The following PRRC2B variants were observed in gnomAD, a reference collection of about 807,000 sequenced individuals.
The protein encoded by PRRC2B is protein PRRC2B.
PRRC2B carries 68 observed loss-of-function variants against 242.3 expected under a neutral mutation model. The observed-to-expected ratio is 0.28, with a 90% confidence interval of 0.23 to 0.34. The LOEUF is 0.34. Among genes scored for constraint, PRRC2B ranks in the 10% least tolerant of loss-of-function variants. The pLI is 1.00. For synonymous variants in PRRC2B, 1,228 were observed against 1,173.6 expected, an observed-to-expected ratio of 1.05 and a Z score of -0.95; for missense variants, 2,835 against 2,954.8, an observed-to-expected ratio of 0.96 and a Z score of 0.94.
At chr9:131,454,959 T>G in intron 9 of PRRC2B, 117 bp from the exon 10 acceptor site, 2 of 727,434 alleles carry the variant, frequency 2.7e-6, no homozygotes, top group Non-Finnish European at 4.8e-6. Context: ...CCTGTCCTCA[T>G]GATCCGCCCA....
At chr9:131,405,876 A>G (rs1452303090) in intron 1 of PRRC2B, among the ~76,000 whole-genome samples, 1 of 152,180 alleles carries the variant, frequency 6.6e-6, no homozygotes, top group East Asian at 1.9e-4. Flanking sequence ...CTTCAAGTCC[A>G]GGTTCTACCA....
chr9:131,474,689 C>T lies in PRRC2B; in HGVS notation c.2560C>T (p.Pro854Ser). 1 of 1,613,018 alleles carries T rather than the reference C, an allele frequency of 6.2e-7. No homozygotes were observed. Among genetic ancestry groups the T allele is most frequent in the South Asian group, 1.1e-5 (1 of 90,936 alleles). ...TCACACCCAAAACCTCAGGTGTTCC[C>T]CATTGGAGCCTGACTTTGTCCCAGA... ...GGHTQNLRCS[P>S]LEPDFVPDEK... Residue 854 changes from proline to serine, a missense_variant, in exon 16 of 32, where the codon CCA becomes TCA. Coordinates refer to ENST00000683519, the MANE Select transcript of PRRC2B (RefSeq NM_013318.4).
chr9:131,467,696 C>A lies in PRRC2B; in HGVS notation c.1854C>A (p.Phe618Leu). The part of the protein sequence containing the change: ...AREAGSPAQE[F>L]KYQKSLPPRF... ...AGGCTGGGTCCCCTGCACAGGAGTTCAAGTATCAGAAGTCCCTTCCTCCCC... is the reference window on the plus strand; with the variant it reads ...AGGCTGGGTCCCCTGCACAGGAGTTAAAGTATCAGAAGTCCCTTCCTCCCC... Residue 618 changes from phenylalanine (F) to leucine (L), a missense_variant, in exon 13 of 32, where the codon TTC (phenylalanine) becomes TTA (leucine). Physicochemically the swap from Phe to Leu is conservative, Grantham distance 22 (BLOSUM62 0). Transcript: ENST00000683519. The A allele has an allele frequency of 6.2e-7, 1 of 1,613,962 alleles. No homozygotes were observed. The highest frequency in any genetic ancestry group is 1.6e-4 in the Middle Eastern group (1 of 6,062).
intron 11 of PRRC2B, among the ~76,000 whole-genome samples, chr9:131,459,890 G>A (rs2966362): frequency 0.97 from 145,643 of 150,176 alleles, 70,771 homozygotes; most frequent in East Asian, 1. Flanking sequence ...GGCTCACACA[G>A]TTTGCAAGGC....
At chr9:131,459,422 G>A (rs2131412554) in intron 11 of PRRC2B, 66 bp downstream of exon 11, 1 of 1,335,972 alleles carries the variant, frequency 7.5e-7, no homozygotes, top group Non-Finnish European at 1.0e-6. Flanking sequence ...GGGTTTCTGA[G>A]AAGTCCTAAG....
In PRRC2B at chr9:131,385,993, A is replaced by T. The variant is rs1216423856; in HGVS notation, c.-56+12262A>T. On this transcript the variant is annotated intron_variant, in intron 1 of 1. Coordinates refer to the PRRC2B transcript ENST00000682525. ...CAGGCGTGAACCACGGCGCCCGGCC[A>T]TCATTCTTATTGTTGTCATCTCAGA... 2.0e-5 allele frequency among the ~76,000 whole-genome samples: 3 copies of T among 150,600 alleles called. No homozygotes were observed. In the Admixed American group the frequency reaches 2.1e-4, roughly 10 times the overall value.
intron 15 of PRRC2B, among the ~76,000 whole-genome samples, chr9:131,474,198 C>G (rs552293312): frequency 1.3e-4 from 20 of 152,310 alleles, no homozygotes; most frequent in African/African-American, 4.8e-4. Context: ...CGACAGTCTT[C>G]ACTCTCAAGG....
At chr9:131,450,308 C>T (rs546428635) in intron 9 of PRRC2B, among the ~76,000 whole-genome samples, 1 of 151,162 alleles carries the variant, frequency 6.6e-6, no homozygotes, top group South Asian at 2.1e-4. Flanking sequence ...TGCTCTATTG[C>T]CCAGGCTGGA....
chr9:131,433,061 C>G (rs2966347), intron 3 of PRRC2B, among the ~76,000 whole-genome samples: 147,541 of 152,192 alleles, frequency 0.97, 71,674 homozygotes, highest in East Asian at 1. Flanking sequence ...CCAGTGACCA[C>G]TTTCCCCCTG....
At chr9:131,419,234 T>C (rs920296740) in intron 1 of PRRC2B, among the ~76,000 whole-genome samples, 3 of 152,170 alleles carry the variant, frequency 2.0e-5, no homozygotes, top group Non-Finnish European at 4.4e-5. Flanking sequence ...AGTGTTTATC[T>C]CAAGAGGGTT....
upstream of PRRC2B, among the ~76,000 whole-genome samples, chr9:131,390,830 A>G (rs1255691626): frequency 8.5e-6 from 1 of 117,658 alleles, no homozygotes; most frequent in Non-Finnish European, 1.6e-5. Context: ...TCTGTCGCCC[A>G]GGCTATAGTG....
Position 131,474,848 on chromosome 9 carries a change from A to G in PRRC2B, c.2719A>G (p.Ser907Gly). The G allele has an allele frequency of 6.2e-7, 1 of 1,609,876 alleles. No individual in the cohort carries two copies. The highest frequency in any genetic ancestry group is 1.1e-5 in the South Asian group (1 of 90,328). ...CATCTCCTCCTGGGACAAGAACGGG[A>G]GCCCCAACAAACAGCCATCCTCGGA... ...FNISSWDKNG[S>G]PNKQPSSEPE... The change falls in exon 16 of 32, where the codon AGC (serine) becomes GGC (glycine). Residue 907 changes from serine (S) to glycine (G), a missense_variant. Coordinates refer to ENST00000683519, the MANE Select transcript of PRRC2B (RefSeq NM_013318.4).
chr9:131,474,377 A>G, intron 15 of PRRC2B, 77 bp from the exon 16 acceptor site: 1 of 1,248,726 alleles, frequency 8.0e-7, no homozygotes, highest in East Asian at 2.4e-5. Context: ...TCTTTTTAAA[A>G]CTAAGCTCTG....
chr9:131,449,156 T>A (rs1838927394), intron 9 of PRRC2B, among the ~76,000 whole-genome samples: 1 of 152,256 alleles, frequency 6.6e-6, no homozygotes, highest in Non-Finnish European at 1.5e-5. Context: ...TACTGTAATT[T>A]GTTTATTCAT....
In PRRC2B at chr9:131,395,134, G is replaced by T. The variant is rs115661633; in HGVS notation, c.-52+871G>T. Among the ~76,000 whole-genome samples the T allele has an allele frequency of 3.6e-3, 551 of 152,150 alleles. 2 individuals are homozygous for T. Among genetic ancestry groups the T allele is most frequent in the African/African-American group, 0.013 (536 of 41,502 alleles). On this transcript the variant is annotated intron_variant, in intron 1 of 31. Transcript: ENST00000683519. The stretch of plus-strand genomic sequence containing the variant: ...GAGGTCGGAGCCCACCTTTAGGCAA[G>T]AATTGGAGGTGTTTTCAGTGGTGAG...
At position 131,474,458 on chromosome 9, in the gene PRRC2B, G is replaced by A. The variant is rs1375310506; in HGVS notation, c.2329G>A (p.Glu777Lys). Residue 777 changes from glutamate to lysine, a missense_variant, in exon 16 of 32, where the codon GAA (glutamate) becomes AAA (lysine). By Grantham distance (56) the Glu-to-Lys change is moderately conservative. Around this residue, in one of 7 missense-constraint regions of PRRC2B, gnomAD observed 1,536 missense variants for 1,483.1 expected, o/e 1.04. Transcript: ENST00000683519. ...ATTTTTCTGGTTCCTTTTCAGGAAT[G>A]AAAGCTCTTTCTCTGCCTCACTCGG... is the stretch of plus-strand genomic sequence containing the variant. ...TLAMDMRVRN[E>K]SSFSASLGRA... The A allele has an allele frequency of 6.2e-7, 1 of 1,601,274 alleles. No individual in the cohort carries two copies. Among genetic ancestry groups the A allele is most frequent in the Admixed American group, 1.7e-5 (1 of 58,340 alleles).
intron 19 of PRRC2B, 112 bp downstream of exon 19, chr9:131,479,505 T>C: frequency 9.7e-7 from 1 of 1,034,458 alleles, no homozygotes. Flanking sequence ...GGAATACAGA[T>C]GGAGTACCTG....
intron 5 of PRRC2B, among the ~76,000 whole-genome samples, chr9:131,443,830 C>T (rs1838694738): frequency 1.3e-5 from 2 of 152,192 alleles, no homozygotes; most frequent in African/African-American, 4.8e-5. Flanking sequence ...TCTTGGCCTC[C>T]CCTGGGCTGA....
intron 1 of PRRC2B, among the ~76,000 whole-genome samples, chr9:131,414,215 G>GA: frequency 6.6e-6 from 1 of 151,092 alleles, no homozygotes. Context: ...CTCCATAAGG[G>GA]AAAAAAATGA....
Sources: gnomAD v4.1 joint callset for allele counts (sites outside exome capture counted in the v4.1 genomes callset) on GRCh38, gnomAD v4.1.1 for gene constraint, gnomAD v4.1.1 regional missense constraint, MANE v1.5 for transcripts, NCBI Gene and HGNC (gene_info 2026-07-23, HGNC 2026-07-21) for gene names.